The following GNA14 variants were observed in gnomAD, a reference collection of about 807,000 sequenced individuals.
GNA14 encodes G protein subunit alpha 14.
In GNA14, 50 loss-of-function variants were observed where a neutral mutation model predicts 42.0. The ratio of observed to expected loss-of-function variants is 1.19; its 90% confidence interval spans 0.95 to 1.51. GNA14 has a LOEUF of 1.51. Among genes scored for constraint, GNA14 ranks in the 40% most tolerant of loss-of-function variants. The pLI is 0.00. For synonymous variants in GNA14, 173 were observed against 163.1 expected, an observed-to-expected ratio of 1.06 and a Z score of -0.46; for missense variants, 473 against 446.2, an observed-to-expected ratio of 1.06 and a Z score of -0.54.
chr9:77,467,804 G>T (rs779649058), intron 2 of GNA14, among the ~76,000 whole-genome samples: 1 of 151,950 alleles, frequency 6.6e-6, no homozygotes, highest in Non-Finnish European at 1.5e-5. Flanking sequence ...TGAAACTTAT[G>T]CTCTACAAGT....
intron 2 of GNA14, among the ~76,000 whole-genome samples, chr9:77,488,469 TCCA>T (rs1251673058): frequency 6.6e-6 from 1 of 152,134 alleles, no homozygotes; most frequent in African/African-American, 2.4e-5. Flanking sequence ...AAGACTTCCA[TCCA>T]CCACCATGGA....
At chr9:77,634,532 A>AAGGC (rs566344360) in intron 1 of GNA14, among the ~76,000 whole-genome samples, 260 of 151,970 alleles carry the variant, frequency 1.7e-3, no homozygotes, top group Non-Finnish European at 2.7e-3. Context: ...AGGAGGCAAA[A>AAGGC]AGGCAGGCAG....
At chr9:77,593,413 T>C (rs1823419316) in intron 1 of GNA14, among the ~76,000 whole-genome samples, 2 of 151,564 alleles carry the variant, frequency 1.3e-5, no homozygotes, top group Non-Finnish European at 2.9e-5. Context: ...CTGCAACCTC[T>C]ACCTCCCAGG....
chr9:77,450,066 C>T (rs1035740323), intron 2 of GNA14, among the ~76,000 whole-genome samples: 16 of 152,208 alleles, frequency 1.1e-4, no homozygotes, highest in Admixed American at 3.3e-4. Context: ...ATTCCGTGGG[C>T]TTATGCATCC....
Position 77,468,739 on chromosome 9 carries a change from T to C in GNA14, c.310-34217A>G, listed in dbSNP as rs367562615. Among the ~76,000 whole-genome samples the C allele has an allele frequency of 1.2e-3, 179 of 152,296 alleles. 2 individuals carry two copies. In the South Asian group the frequency reaches 0.014, roughly 12 times the overall value. ...CTCTGTTGCAACAAATCCTGGAGCCTTGTGACGATCATAAAATGGGAACAT... is the reference window on the plus strand; with the variant it reads ...CTCTGTTGCAACAAATCCTGGAGCCCTGTGACGATCATAAAATGGGAACAT... On this transcript the variant is annotated intron_variant, in intron 2 of 6. Coordinates refer to ENST00000341700, the MANE Select transcript of GNA14 (RefSeq NM_004297.4).
At chr9:77,577,556 T>G (rs1823148252) in intron 1 of GNA14, among the ~76,000 whole-genome samples, 1 of 152,186 alleles carries the variant, frequency 6.6e-6, no homozygotes, top group Non-Finnish European at 1.5e-5. Context: ...CTGTCATCAG[T>G]GAGACATGAC....
At chr9:77,545,792 C>G (rs1427266257) in intron 1 of GNA14, among the ~76,000 whole-genome samples, 1 of 152,160 alleles carries the variant, frequency 6.6e-6, no homozygotes, top group Non-Finnish European at 1.5e-5. Context: ...ACTACTATAT[C>G]TTTACATACC....
At chr9:77,446,832 AAGAG>A (rs984673890) in intron 2 of GNA14, among the ~76,000 whole-genome samples, 14 of 152,316 alleles carry the variant, frequency 9.2e-5, no homozygotes, top group African/African-American at 3.1e-4. Context: ...TATACAGCCA[AAGAG>A]AGAGAGATAA....
chr9:77,425,430 AGGTGG>A (rs1835437786), intron 6 of GNA14, 127 bp downstream of exon 6: 1 of 608,190 alleles, frequency 1.6e-6, no homozygotes, highest in Non-Finnish European at 2.9e-6. Context: ...TTCTGTTTGA[AGGTGG>A]GAATAGGGGG....
At chr9:77,451,451 G>A (rs1189188191) in intron 2 of GNA14, among the ~76,000 whole-genome samples, 1 of 152,162 alleles carries the variant, frequency 6.6e-6, no homozygotes, top group Non-Finnish European at 1.5e-5. Flanking sequence ...GGATGTAAAG[G>A]AATGCCACTA....
chr9:77,491,813 G>C (rs1264733257), intron 2 of GNA14, among the ~76,000 whole-genome samples: 1 of 152,082 alleles, frequency 6.6e-6, no homozygotes, highest in Admixed American at 6.5e-5. Context: ...GACCAAATAG[G>C]CCTAACTGAC....
At chr9:77,549,459 C>A (rs893039586) in intron 1 of GNA14, among the ~76,000 whole-genome samples, 1 of 152,186 alleles carries the variant, frequency 6.6e-6, no homozygotes, top group African/African-American at 2.4e-5. Flanking sequence ...GACTCCATGT[C>A]ACCCAAAATT....
intron 1 of GNA14, among the ~76,000 whole-genome samples, chr9:77,577,077 G>T: frequency 6.6e-6 from 1 of 152,156 alleles, no homozygotes; most frequent in Non-Finnish European, 1.5e-5. Context: ...CCTATTTTCT[G>T]CAAGCAATTA....
At position 77,488,280 on chromosome 9, in the gene GNA14, T is replaced by C. The variant is rs144297949; in HGVS notation, c.309+40789A>G. Reference sequence around the variant, plus strand: ...TACCCGGCACCAAGTGCATGGAAAATTTCTGCCTGACTCAGGGTTTCTACA... The same window carrying C: ...TACCCGGCACCAAGTGCATGGAAAACTTCTGCCTGACTCAGGGTTTCTACA... On this transcript the variant is annotated intron_variant, in intron 2 of 6. Transcript: ENST00000341700. 1.8e-3 allele frequency among the ~76,000 whole-genome samples: 277 copies of C among 152,218 alleles called. 2 individuals carry two copies. The South Asian group carries it at 0.021, about 12-fold the overall frequency.
At chr9:77,630,848 C>T (rs1824086295) in intron 1 of GNA14, among the ~76,000 whole-genome samples, 1 of 152,262 alleles carries the variant, frequency 6.6e-6, no homozygotes, top group South Asian at 2.1e-4. Context: ...TATCCCCTTA[C>T]AGTACTGATG....
intron 1 of GNA14, among the ~76,000 whole-genome samples, chr9:77,569,545 A>C (rs1823027821): frequency 6.6e-6 from 1 of 152,152 alleles, no homozygotes; most frequent in Non-Finnish European, 1.5e-5. Flanking sequence ...GGTCAGAGGG[A>C]GACAACTCCA....
chr9:77,528,278 C>A (rs557014337), intron 2 of GNA14, among the ~76,000 whole-genome samples: 144 of 152,194 alleles, frequency 9.5e-4, no homozygotes, highest in Non-Finnish European at 1.3e-3. Context: ...CCATCTGACA[C>A]AGAATTTTTC....
At chr9:77,639,509 C>A (rs1564073014) in intron 1 of GNA14, among the ~76,000 whole-genome samples, 1 of 152,232 alleles carries the variant, frequency 6.6e-6, no homozygotes, top group Non-Finnish European at 1.5e-5. Flanking sequence ...TGCCTCCCCC[C>A]AACAACCTGG....
At chr9:77,557,632 C>T (rs1268014219) in intron 1 of GNA14, among the ~76,000 whole-genome samples, 1 of 152,060 alleles carries the variant, frequency 6.6e-6, no homozygotes, top group Non-Finnish European at 1.5e-5. Context: ...TGAATAAATG[C>T]TATAAGGAAG....
Sources: allele counts gnomAD v4.1 joint callset (sites outside exome capture counted in the v4.1 genomes callset), GRCh38; gene constraint gnomAD v4.1.1; transcripts MANE v1.5; gene names NCBI Gene and HGNC (gene_info 2026-07-23, HGNC 2026-07-21).